PCDH15: variants seen among roughly 807,000 people sequenced by gnomAD.
PCDH15 encodes the protein protocadherin-15.
A neutral mutation model predicts 178.5 loss-of-function variants in PCDH15; 129 were observed. The observed-to-expected ratio is 0.72, with a 90% CI of 0.63 to 0.84. The LOEUF (loss-of-function observed/expected upper bound fraction) is 0.84, where lower values mean the gene tolerates loss of function less well. Ranked by LOEUF, PCDH15 falls within the 40% of genes least tolerant of loss-of-function variation. The pLI, the probability that PCDH15 is intolerant of heterozygous loss-of-function variation, is 0.00. For synonymous variants in PCDH15, 800 were observed against 732.0 expected, an observed-to-expected ratio of 1.09 and a Z score of -1.50; for missense variants, 2,230 against 2,099.9, an observed-to-expected ratio of 1.06 and a Z score of -1.21.
At chr10:53,893,164 A>G (rs1211079879) in intron 26 of PCDH15, among the ~76,000 whole-genome samples, 3 of 152,168 alleles carry the variant, frequency 2.0e-5, no homozygotes, top group Non-Finnish European at 4.4e-5. Flanking sequence ...TATAACAAAA[A>G]TAGCCCAGTT....
At chr10:54,835,731 C>A (rs1953305077) in intron 3 of PCDH15, among the ~76,000 whole-genome samples, 1 of 152,008 alleles carries the variant, frequency 6.6e-6, no homozygotes, top group Non-Finnish European at 1.5e-5. Flanking sequence ...AGAGGAAATT[C>A]ATCAATATTC....
chr10:55,101,647 T>C (rs557496332), intron 2 of PCDH15, among the ~76,000 whole-genome samples: 46 of 151,998 alleles, frequency 3.0e-4, no homozygotes, highest in African/African-American at 1.1e-3. Flanking sequence ...AATTAAATTT[T>C]AGATCTAGTT....
chr10:55,559,606 C>T (rs1454790976), intron 2 of PCDH15, among the ~76,000 whole-genome samples: 1 of 151,534 alleles, frequency 6.6e-6, no homozygotes. Flanking sequence ...TAAAGTAGAC[C>T]ACTGATATTG....
chr10:54,533,622 A>G (rs1400266966), intron 2 of PCDH15, among the ~76,000 whole-genome samples: 1 of 152,062 alleles, frequency 6.6e-6, no homozygotes, highest in African/African-American at 2.4e-5. Context: ...AGTTTAAATT[A>G]TATCAAAGAT....
chr10:55,541,161 GTAATC>G (rs1841751328), intron 2 of PCDH15, among the ~76,000 whole-genome samples: 1 of 151,906 alleles, frequency 6.6e-6, no homozygotes, highest in Admixed American at 6.6e-5. Context: ...GTTTCTGAAA[GTAATC>G]TGAATGTGGA....
At chr10:54,549,600 A>G (rs947117126) in intron 2 of PCDH15, among the ~76,000 whole-genome samples, 4 of 151,764 alleles carry the variant, frequency 2.6e-5, no homozygotes, top group African/African-American at 9.7e-5. Context: ...TTCATTTGTT[A>G]TTAAAAATAA....
chr10:54,079,374 C>A lies in PCDH15; in HGVS notation c.2048G>T (p.Arg683Leu). Residue 683 changes from arginine to leucine, a missense_variant, in exon 17 of 38, where the codon CGC (arginine) becomes CTC (leucine). Transcript: ENST00000644397. The part of the protein sequence containing the change: ...GKALDRESTD[R>L]YILIITASDG... ...TGAAGCTGTGATGATCAGAATGTAG[C>A]GATCAGTGCTTTCCCTGTCCAGTGC... The A allele has an allele frequency of 6.2e-7, 1 of 1,614,062 alleles. No homozygotes were observed.
intron 1 of PCDH15, among the ~76,000 whole-genome samples, chr10:54,774,524 CACAT>C (rs1236162603): frequency 2.6e-5 from 4 of 152,124 alleles, no homozygotes; most frequent in Admixed American, 6.6e-5. Context: ...CACACAAGCA[CACAT>C]ACATACAATC....
intron 2 of PCDH15, among the ~76,000 whole-genome samples, chr10:55,073,609 T>C (rs1474943901): frequency 1.3e-5 from 2 of 152,144 alleles, no homozygotes; most frequent in Admixed American, 1.3e-4. Context: ...TGTAGTTTTC[T>C]TTCTCGTTGT....
intron 2 of PCDH15, among the ~76,000 whole-genome samples, chr10:55,382,227 G>A (rs1402466697): frequency 6.6e-6 from 1 of 151,942 alleles, no homozygotes; most frequent in African/African-American, 2.4e-5. Flanking sequence ...CTCTGCCTTG[G>A]TAGGCAGAAT....
At chr10:54,726,418 G>GT (rs1234678966) in intron 1 of PCDH15, among the ~76,000 whole-genome samples, 1 of 90,774 alleles carries the variant, frequency 1.1e-5, no homozygotes, top group East Asian at 2.6e-4. Context: ...TACCCATCAG[G>GT]GGTGTGTGTG....
chr10:55,253,640 A>G (rs761459193), intron 1 of PCDH15, among the ~76,000 whole-genome samples: 19 of 152,058 alleles, frequency 1.2e-4, no homozygotes, highest in Non-Finnish European at 2.2e-4. Flanking sequence ...GGAGAATTTG[A>G]AGCTAAATTT....
chr10:54,226,171 C>G (rs757568120), intron 9 of PCDH15, among the ~76,000 whole-genome samples: 31 of 152,304 alleles, frequency 2.0e-4, no homozygotes, highest in Non-Finnish European at 3.2e-4. Flanking sequence ...ATTGGACTTA[C>G]AGTTCCACGT....
rs370709663 is a variant in PCDH15, at chr10:55,181,317, T to A, written c.-155-14666A>T. Reference sequence around the variant, plus strand: ...TGGGTTAACCATACTCTTTTGCTTATGACCATTAAACAAATGGGTTACCAA... The same window carrying A: ...TGGGTTAACCATACTCTTTTGCTTAAGACCATTAAACAAATGGGTTACCAA... On this transcript the variant is annotated intron_variant, in intron 1 of 5. Coordinates refer to the PCDH15 transcript ENST00000458638. Among the ~76,000 whole-genome samples, 105 of 152,160 alleles carry A rather than the reference T, an allele frequency of 6.9e-4. 1 individual carries two copies. In the South Asian group the frequency reaches 0.02, roughly 29 times the overall value.
intron 2 of PCDH15, among the ~76,000 whole-genome samples, chr10:54,944,179 G>A (rs1838132353): frequency 6.6e-6 from 1 of 151,906 alleles, no homozygotes; most frequent in Non-Finnish European, 1.5e-5. Flanking sequence ...TGACCAAATT[G>A]GGTGATTAGG....
intron 7 of PCDH15, among the ~76,000 whole-genome samples, chr10:54,318,146 G>A (rs778360121): frequency 3.9e-5 from 6 of 152,136 alleles, no homozygotes. Context: ...TGCCCTGGGG[G>A]GCCATCTCTT....
intron 1 of PCDH15, among the ~76,000 whole-genome samples, chr10:54,701,849 A>C (rs983348802): frequency 6.6e-6 from 1 of 152,226 alleles, no homozygotes; most frequent in Admixed American, 6.6e-5. Flanking sequence ...ACCACACACC[A>C]GTAGTGGGAG....
At chr10:54,226,078 T>C (rs556600724) in intron 9 of PCDH15, among the ~76,000 whole-genome samples, 9 of 152,344 alleles carry the variant, frequency 5.9e-5, no homozygotes, top group Admixed American at 2.0e-4. Flanking sequence ...TGATTGATTA[T>C]GCAAATTTGT....
At chr10:53,830,047 T>C (rs1379578030) in intron 30 of PCDH15, among the ~76,000 whole-genome samples, 1 of 152,132 alleles carries the variant, frequency 6.6e-6, no homozygotes, top group Non-Finnish European at 1.5e-5. Context: ...CTCACACCTG[T>C]AATCCCAGCA....
Sources: allele counts gnomAD v4.1 joint callset (sites outside exome capture counted in the v4.1 genomes callset), GRCh38; gene constraint gnomAD v4.1.1; transcripts MANE v1.5; gene names NCBI Gene and HGNC (gene_info 2026-07-23, HGNC 2026-07-21).